Variants in ITPK1 observed in about 807,000 individuals in gnomAD.
ITPK1 encodes inositol 1,3,4-trisphosphate 5/6-kinase.
In ITPK1, 21 loss-of-function variants were observed where a neutral mutation model predicts 45.3. The observed-to-expected ratio is 0.46, with a 90% confidence interval of 0.33 to 0.67. The LOEUF is 0.67. Ranked by LOEUF, ITPK1 falls within the 30% of genes least tolerant of loss-of-function variation. The probability of loss-of-function intolerance (pLI) is 0.02; values close to 1 mark genes in which losing one functional copy is unlikely to be tolerated. For synonymous variants in ITPK1, 258 were observed against 253.6 expected, an observed-to-expected ratio of 1.02 and a Z score of -0.16; for missense variants, 474 against 573.5, an observed-to-expected ratio of 0.83 and a Z score of 1.77.
At chr14:93,007,912 G>T (rs762399082) in intron 4 of ITPK1, among the ~76,000 whole-genome samples, 2 of 152,186 alleles carry the variant, frequency 1.3e-5, no homozygotes, top group Non-Finnish European at 2.9e-5. Context: ...GGCTCAACTT[G>T]GGGCCATCAA....
chr14:93,112,427 G>T (rs536239102), intron 2 of ITPK1, among the ~76,000 whole-genome samples: 1 of 149,478 alleles, frequency 6.7e-6, no homozygotes, highest in African/African-American at 2.5e-5. Flanking sequence ...CAAACATTAA[G>T]AGCAGGGCCA....
intron 3 of ITPK1, among the ~76,000 whole-genome samples, chr14:93,025,073 C>T (rs1255686671): frequency 6.6e-6 from 1 of 152,206 alleles, no homozygotes; most frequent in African/African-American, 2.4e-5. Flanking sequence ...TGGCAGGCCT[C>T]AAGTTTTCAA....
At chr14:92,965,318 C>T (rs1028411747) in intron 5 of ITPK1, among the ~76,000 whole-genome samples, 2 of 152,214 alleles carry the variant, frequency 1.3e-5, no homozygotes, top group Non-Finnish European at 2.9e-5. Flanking sequence ...ATCTAAAACC[C>T]TTTCATGGCA....
At position 92,962,352 on chromosome 14, in the gene ITPK1, C is replaced by T. The variant is rs771194929; in HGVS notation, c.504+3G>A. 10 of 1,604,724 alleles carry T rather than the reference C, an allele frequency of 6.2e-6. No individual in the cohort carries two copies. In the Admixed American group the frequency reaches 1.2e-4, roughly 19 times the overall value. On this transcript the variant is annotated splice_donor_region_variant and intron_variant, in intron 7 of 10. Transcript: ENST00000267615. The stretch of plus-strand genomic sequence containing the variant: ...GACAACAGTCAGATCTTCTTCCACT[C>T]ACCTCGTGAGAGTTGGTGCCATGAG...
chr14:93,108,026 G>A (rs772731202), intron 2 of ITPK1, among the ~76,000 whole-genome samples: 1 of 152,214 alleles, frequency 6.6e-6, no homozygotes, highest in Non-Finnish European at 1.5e-5. Context: ...ACTCGGCTTG[G>A]AGCGAGGCAA....
At chr14:92,947,861 C>T (rs967573020) in intron 9 of ITPK1, among the ~76,000 whole-genome samples, 6 of 152,130 alleles carry the variant, frequency 3.9e-5, no homozygotes, top group African/African-American at 9.7e-5. Context: ...AGTTCTGCTC[C>T]GGGGTACACA....
At chr14:92,968,051 T>C (rs1479518565) in intron 5 of ITPK1, among the ~76,000 whole-genome samples, 2 of 152,122 alleles carry the variant, frequency 1.3e-5, no homozygotes, top group African/African-American at 4.8e-5. Flanking sequence ...TAAATTTGGC[T>C]GGGCATGGTG....
rs574036945 is a variant in ITPK1 at position 93,077,064 on chromosome 14, A to C, written c.96-445T>G. ...GCCACAGCCAGTCATGCCCCAACCC[A>C]TCCACTGCCACACACGGGAGGCCCA... On this transcript the variant is annotated intron_variant, in intron 2 of 10. Transcript: ENST00000267615. Among the ~76,000 whole-genome samples the C allele has an allele frequency of 2.4e-4, 37 of 151,996 alleles. No homozygotes were observed. The East Asian group carries it at 7.0e-3, about 29-fold the overall frequency.
Position 93,037,181 on chromosome 14 carries a change from A to C in ITPK1, c.121-20380T>G, listed in dbSNP as rs186749671. On this transcript the variant is annotated intron_variant, in intron 3 of 10. Coordinates refer to ENST00000267615, the MANE Select transcript of ITPK1 (RefSeq NM_014216.6). ...CGGAACCACAGCAATTCTCCCTGCC[A>C]ACCCTCTGACCCCGGGACAATGGCA... 1.3e-3 allele frequency among the ~76,000 whole-genome samples: 193 copies of C among 152,326 alleles called. 2 individuals carry two copies. The highest frequency in any genetic ancestry group is 4.4e-3 in the African/African-American group (184 of 41,586).
intron 5 of ITPK1, among the ~76,000 whole-genome samples, chr14:92,966,150 C>T (rs1446194262): frequency 6.8e-6 from 1 of 146,878 alleles, no homozygotes; most frequent in African/African-American, 2.6e-5. Context: ...TGAGTAACTG[C>T]ACCACCATAC....
chr14:92,970,521 G>A (rs897775495), intron 5 of ITPK1, among the ~76,000 whole-genome samples: 3 of 152,212 alleles, frequency 2.0e-5, no homozygotes, highest in South Asian at 2.1e-4. Context: ...GGCCACTCCC[G>A]GTTCCTAGGG....
intron 10 of ITPK1, among the ~76,000 whole-genome samples, chr14:92,945,069 A>AC (rs1192015837): frequency 6.6e-6 from 1 of 152,046 alleles, no homozygotes; most frequent in African/African-American, 2.4e-5. Context: ...TCACCACCTC[A>AC]CAGAGGAGCC....
intron 9 of ITPK1, among the ~76,000 whole-genome samples, chr14:92,947,768 A>T (rs1419115788): frequency 1.3e-5 from 2 of 152,178 alleles, no homozygotes; most frequent in African/African-American, 4.8e-5. Flanking sequence ...TAGGGGCCAA[A>T]GGGGAAGGGA....
rs574342727 is a variant in ITPK1, at chr14:92,951,964, C to T, written c.720G>A (p.Ser240=). 588 of 1,579,802 alleles carry T rather than the reference C, an allele frequency of 3.7e-4. 4 individuals carry two copies. The highest frequency in any genetic ancestry group is 8.8e-5 in the Non-Finnish European group (102 of 1,162,392). ...FNSHNVSKPE[S]SSVLTELDKI... ...GACCCACCTCCGTCAGGACCGATGA[C>T]GACTCCGGCTTTGACACGTTGTGGC... Residue 240 remains serine, a synonymous_variant, in exon 9 of 11, where the codon TCG becomes TCA. Transcript: ENST00000267615.
intron 3 of ITPK1, chr14:93,067,700 C>T (rs1295959496): frequency 6.6e-6 from 1 of 152,070 alleles, no homozygotes. Context: ...TTTTTAATGG[C>T]CACATTGGAG....
At chr14:93,048,727 T>C (rs577938547) in intron 3 of ITPK1, among the ~76,000 whole-genome samples, 4 of 152,146 alleles carry the variant, frequency 2.6e-5, no homozygotes, top group East Asian at 1.9e-4. Context: ...GGTGGGTGGA[T>C]TGCTTAAGCT....
chr14:92,963,615 G>A (rs956739299), intron 5 of ITPK1, among the ~76,000 whole-genome samples: 9 of 152,210 alleles, frequency 5.9e-5, no homozygotes, highest in African/African-American at 1.9e-4. Flanking sequence ...TCACAGCTTG[G>A]CATTCCTGGG....
intron 4 of ITPK1, among the ~76,000 whole-genome samples, chr14:93,009,482 C>G (rs562228517): frequency 1.3e-5 from 2 of 152,168 alleles, no homozygotes; most frequent in Non-Finnish European, 2.9e-5. Context: ...TCCTGGGGAC[C>G]AGGCTTGCTT....
chr14:92,938,398 G>T lies in ITPK1; in HGVS notation c.*3163C>A. On this transcript the variant is annotated 3_prime_UTR_variant, in exon 11 of 11. Coordinates refer to ENST00000267615, the MANE Select transcript of ITPK1 (RefSeq NM_014216.6). ...TCCAGGCTAGAAGGACAAACGACAG[G>T]CTGGCTCCCTTGGTCTTGGGGTGGC... The T allele has an allele frequency of 9.5e-7, 1 of 1,054,480 alleles. No homozygotes were observed. The highest frequency in any genetic ancestry group is 1.5e-6 in the Non-Finnish European group (1 of 673,024). The allele number at this position is 1,054,480 out of a possible 1,614,324, so 65.3% of individuals were successfully genotyped here. A position where few individuals can be genotyped will look rare whatever the true frequency, so the allele number is the denominator to read the frequency against.
Sources: allele counts gnomAD v4.1 joint callset (sites outside exome capture counted in the v4.1 genomes callset), GRCh38; gene constraint gnomAD v4.1.1; transcripts MANE v1.5; gene names NCBI Gene and HGNC (gene_info 2026-07-23, HGNC 2026-07-21).